The following FAM117A variants were observed in gnomAD, a reference collection of about 807,000 sequenced individuals.
FAM117A encodes protein FAM117A.
Under a neutral mutation model 44.1 loss-of-function variants are expected in FAM117A, and 21 were observed. The observed-to-expected ratio is 0.48, with a 90% CI of 0.34 to 0.69. FAM117A has a LOEUF of 0.69. FAM117A is among the 30% of genes least tolerant of loss of function. The pLI is 0.01. For synonymous variants in FAM117A, 220 were observed against 238.3 expected (o/e 0.92, Z 0.71); for missense variants, 498 against 589.9 (o/e 0.84, Z 1.61).
At chr17:49,729,783 C>A in intron 2 of FAM117A, among the ~76,000 whole-genome samples, 1 of 152,160 alleles carries the variant, frequency 6.6e-6, no homozygotes, top group East Asian at 1.9e-4. Context: ...GGATTACAGG[C>A]GTGAGCCACC....
At chr17:49,720,457 C>A (rs746382012) in intron 3 of FAM117A, 21 bp from the exon 4 acceptor site, 6 of 1,604,078 alleles carry the variant, frequency 3.7e-6, no homozygotes, top group Non-Finnish European at 5.1e-6. Context: ...AGAGAGAAGA[C>A]GACAGAGGCA....
At chr17:49,750,339 C>T (rs1384817102) in intron 1 of FAM117A, among the ~76,000 whole-genome samples, 2 of 148,904 alleles carry the variant, frequency 1.3e-5, no homozygotes, top group Non-Finnish European at 3.0e-5. Context: ...TTGAAAAGAA[C>T]AGGGAACTAC....
intron 1 of FAM117A, among the ~76,000 whole-genome samples, chr17:49,737,315 C>G (rs2073614766): frequency 6.6e-6 from 1 of 152,208 alleles, no homozygotes; most frequent in African/African-American, 2.4e-5. Context: ...ACATCAGCAG[C>G]CAGCTCAGGC....
At chr17:49,732,864 T>C in intron 1 of FAM117A, 144 bp from the exon 2 acceptor site, 2 of 837,986 alleles carry the variant, frequency 2.4e-6, no homozygotes, top group South Asian at 1.7e-5. Flanking sequence ...TGAAGCAGCC[T>C]GAAACAGCAC....
Position 49,719,903 on chromosome 17 carries a change from G to A in FAM117A, c.574-9C>T, listed in dbSNP as rs1399706174. On this transcript the variant is annotated splice_polypyrimidine_tract_variant and intron_variant, in intron 4 of 7. Coordinates refer to ENST00000240364, the MANE Select transcript of FAM117A (RefSeq NM_030802.4). ...AAGCTGGGAGGGGACGCCTGAGGAAGAGGCAAATGACAAAATCACACACAG... is the reference window on the plus strand; with the variant it reads ...AAGCTGGGAGGGGACGCCTGAGGAAAAGGCAAATGACAAAATCACACACAG... 6.3e-7 allele frequency: 1 copy of A among 1,597,948 alleles called. No homozygotes were observed. Among genetic ancestry groups the A allele is most frequent in the East Asian group, 2.3e-5 (1 of 44,152 alleles).
intron 1 of FAM117A, among the ~76,000 whole-genome samples, chr17:49,752,336 T>C (rs1048608635): frequency 6.6e-6 from 1 of 152,074 alleles, no homozygotes; most frequent in Non-Finnish European, 1.5e-5. Flanking sequence ...GAGGGAGACA[T>C]GCTCAGACAG....
chr17:49,774,648 G>A (rs979382721), intron 1 of FAM117A, among the ~76,000 whole-genome samples: 4 of 152,148 alleles, frequency 2.6e-5, no homozygotes, highest in African/African-American at 9.7e-5. Flanking sequence ...GTGAGCCACC[G>A]TGCTCTGTCA....
intron 1 of FAM117A, among the ~76,000 whole-genome samples, chr17:49,786,258 G>A (rs2073805504): frequency 2.0e-5 from 3 of 152,186 alleles, no homozygotes; most frequent in Non-Finnish European, 4.4e-5. Flanking sequence ...TGCAGTCTTA[G>A]GGAATCTAGC....
upstream of FAM117A, among the ~76,000 whole-genome samples, chr17:49,767,937 A>G (rs1438970429): frequency 6.6e-6 from 1 of 152,084 alleles, no homozygotes; most frequent in Non-Finnish European, 1.5e-5. Context: ...AAGATTATAG[A>G]TACTAAGTGT....
upstream of FAM117A, among the ~76,000 whole-genome samples, chr17:49,767,303 C>T (rs543620221): frequency 1.6e-4 from 25 of 152,344 alleles, no homozygotes; most frequent in African/African-American, 5.8e-4. Context: ...TACAAAGCAT[C>T]TAACTTGCAA....
intron 2 of FAM117A, among the ~76,000 whole-genome samples, chr17:49,727,877 C>A (rs1292791512): frequency 6.6e-6 from 1 of 152,240 alleles, no homozygotes; most frequent in Non-Finnish European, 1.5e-5. Flanking sequence ...AACCCACTAT[C>A]CCTGCACGGG....
intron 1 of FAM117A, among the ~76,000 whole-genome samples, chr17:49,757,528 G>T (rs1237481066): frequency 1.3e-5 from 2 of 152,132 alleles, no homozygotes; most frequent in Non-Finnish European, 2.9e-5. Flanking sequence ...CAAACCAGGA[G>T]GTTTGGTGGG....
At chr17:49,788,493 T>C in intron 1 of FAM117A, 2 of 301,120 alleles carry the variant, frequency 6.6e-6, no homozygotes, top group Non-Finnish European at 1.2e-5. Context: ...ACAGAGCCAC[T>C]CACGTAACTA....
chr17:49,785,374 T>C (rs982311696), intron 1 of FAM117A, among the ~76,000 whole-genome samples: 2 of 152,100 alleles, frequency 1.3e-5, no homozygotes, highest in East Asian at 1.9e-4. Flanking sequence ...TAGCCAGGCA[T>C]GGTGGTGTGT....
chr17:49,762,668 A>G (rs573685075), intron 1 of FAM117A, among the ~76,000 whole-genome samples: 2 of 152,334 alleles, frequency 1.3e-5, no homozygotes, highest in Admixed American at 1.3e-4. Context: ...ACTCTGGTTT[A>G]GAGAATGTCA....
At chr17:49,746,173 A>T (rs1171619720) in intron 1 of FAM117A, among the ~76,000 whole-genome samples, 2 of 152,258 alleles carry the variant, frequency 1.3e-5, no homozygotes, top group Admixed American at 6.5e-5. Context: ...ACATATACAT[A>T]AACAGAAGGA....
chr17:49,763,936 T>C lies in FAM117A; in HGVS notation c.152A>G (p.Gln51Arg). Residue 51 changes from glutamine (Q) to arginine (R), a missense_variant, in exon 1 of 8, where the codon CAG becomes CGG. Physicochemically the swap from Gln to Arg is conservative, Grantham distance 43 (BLOSUM62 1). Around this residue, in one of 3 missense-constraint regions of FAM117A, gnomAD observed 270 missense variants for 277.4 expected, o/e 0.97. Coordinates refer to ENST00000240364, the MANE Select transcript of FAM117A (RefSeq NM_030802.4). The part of the protein sequence containing the change: ...LQPLRATIPF[Q>R]LQQPHQRRDG... ...CCGGCGCTGGTGCGGCTGCTGCAGC[T>C]GGAAGGGGATCGTGGCCCTGAGCGG... 8.2e-7 allele frequency: 1 copy of C among 1,220,886 alleles called. No individual in the cohort carries two copies. Among genetic ancestry groups the C allele is most frequent in the Non-Finnish European group, 1.0e-6 (1 of 983,050 alleles). The allele number at this position is 1,220,886 out of a possible 1,614,324, so 75.6% of individuals were successfully genotyped here.
chr17:49,762,189 A>G (rs1369448401), intron 1 of FAM117A, among the ~76,000 whole-genome samples: 1 of 152,228 alleles, frequency 6.6e-6, no homozygotes, highest in Non-Finnish European at 1.5e-5. Flanking sequence ...TGATCTTAAA[A>G]TGATTGCTAA....
At chr17:49,728,911 C>T (rs2073572437) in intron 2 of FAM117A, among the ~76,000 whole-genome samples, 3 of 152,234 alleles carry the variant, frequency 2.0e-5, no homozygotes, top group Admixed American at 2.0e-4. Context: ...TCACAAATAA[C>T]ATATATCCGC....
Sources: allele counts gnomAD v4.1 joint callset (sites outside exome capture counted in the v4.1 genomes callset), GRCh38; gene constraint gnomAD v4.1.1; regional missense constraint gnomAD v4.1.1; transcripts MANE v1.5; gene names NCBI Gene and HGNC (gene_info 2026-07-23, HGNC 2026-07-21).